Variants in DSCAML1 observed in about 807,000 individuals in gnomAD.
The protein encoded by DSCAML1 is cell adhesion molecule DSCAML1.
In DSCAML1, 38 loss-of-function variants were observed where a neutral mutation model predicts 200.5. The observed-to-expected ratio is 0.19, with a 90% CI of 0.15 to 0.25. DSCAML1 has a LOEUF of 0.25. Ranked by LOEUF, DSCAML1 falls within the 10% of genes least tolerant of loss-of-function variation. The pLI, the probability that DSCAML1 is intolerant of heterozygous loss-of-function variation, is 1.00. For synonymous variants in DSCAML1, 1,215 were observed against 1,165.0 expected, an observed-to-expected ratio of 1.04 and a Z score of -0.87; for missense variants, 2,223 against 2,858.8, an observed-to-expected ratio of 0.78 and a Z score of 5.07.
At chr11:117,797,811 C>T (rs2055612921), upstream of DSCAML1, among the ~76,000 whole-genome samples, 1 of 151,934 alleles carries the variant, frequency 6.6e-6, no homozygotes, top group South Asian at 2.1e-4. Context: ...ACTATTTAAA[C>T]GGTTATTCAC....
rs200181397 is a variant in DSCAML1 at position 117,542,353 on chromosome 11, CAAAAAA to C, written c.512-9837_512-9832del. ...ACAAAAACAACAACAACAACAACAA[CAAAAAA>C]AAAACAGTGCAGGCGATGTAGTGCT... On this transcript the variant is annotated intron_variant, in intron 3 of 32. Coordinates refer to ENST00000651296, the MANE Select transcript of DSCAML1 (RefSeq NM_020693.4). Among the ~76,000 whole-genome samples the C allele has an allele frequency of 1.1e-3, 171 of 150,782 alleles. 1 individual carries two copies. The highest frequency in any genetic ancestry group is 6.8e-3 in the Middle Eastern group (2 of 292).
chr11:117,667,001 G>A (rs957168297), intron 3 of DSCAML1, among the ~76,000 whole-genome samples: 2 of 152,220 alleles, frequency 1.3e-5, no homozygotes, highest in Non-Finnish European at 2.9e-5. Context: ...GCCTGGTCTG[G>A]GTGGTTGGTT....
chr11:117,509,632 C>T (rs927504199), intron 8 of DSCAML1, among the ~76,000 whole-genome samples: 14 of 152,140 alleles, frequency 9.2e-5, no homozygotes, highest in African/African-American at 2.9e-4. Context: ...CCAGCTCATT[C>T]GGTACTAGGA....
At chr11:117,718,671 C>T (rs79316138) in intron 3 of DSCAML1, among the ~76,000 whole-genome samples, 1 of 53,272 alleles carries the variant, frequency 1.9e-5, no homozygotes, top group Non-Finnish European at 4.3e-5. Context: ...ACTCAAAACC[C>T]CCCCCCCCCC....
intron 14 of DSCAML1, among the ~76,000 whole-genome samples, chr11:117,479,422 G>A (rs520289): frequency 0.56 from 84,876 of 152,076 alleles, 24,534 homozygotes; most frequent in East Asian, 0.69. Flanking sequence ...CAAAAGGTAC[G>A]AAGGATCCAG....
chr11:117,767,457 C>A (rs3851576), intron 3 of DSCAML1, among the ~76,000 whole-genome samples: 95,399 of 152,124 alleles, frequency 0.63, 33,125 homozygotes, highest in East Asian at 0.82. Flanking sequence ...GGGAGAGAAT[C>A]CCATTGCTGC....
chr11:117,722,174 G>A (rs1427667585), intron 3 of DSCAML1, among the ~76,000 whole-genome samples: 1 of 152,160 alleles, frequency 6.6e-6, no homozygotes, highest in African/African-American at 2.4e-5. Context: ...TCCTGGGAAG[G>A]ATCATGGCTC....
chr11:117,562,750 T>C (rs2050687584), intron 3 of DSCAML1, among the ~76,000 whole-genome samples: 1 of 152,214 alleles, frequency 6.6e-6, no homozygotes, highest in South Asian at 2.1e-4. Flanking sequence ...TTTCTTTTTC[T>C]GTTTTGAGAC....
At chr11:117,664,412 T>A (rs1045112506) in intron 3 of DSCAML1, among the ~76,000 whole-genome samples, 12 of 152,310 alleles carry the variant, frequency 7.9e-5, no homozygotes, top group Non-Finnish European at 1.3e-4. Context: ...TCAGATCTAC[T>A]TCCCAGGGCC....
chr11:117,526,826 C>T (rs2049986754), intron 4 of DSCAML1, among the ~76,000 whole-genome samples: 1 of 152,064 alleles, frequency 6.6e-6, no homozygotes. Flanking sequence ...CAGAACTTCC[C>T]CTTCTTTTAA....
intron 3 of DSCAML1, among the ~76,000 whole-genome samples, chr11:117,775,057 G>A (rs923399968): frequency 6.6e-6 from 1 of 152,136 alleles, no homozygotes; most frequent in Admixed American, 6.5e-5. Context: ...ATTTCTTTAT[G>A]TTCTTTAAAT....
At chr11:117,468,794 A>G (rs1006795739) in intron 16 of DSCAML1, among the ~76,000 whole-genome samples, 2 of 152,224 alleles carry the variant, frequency 1.3e-5, no homozygotes, top group African/African-American at 4.8e-5. Context: ...GTGCGTGCAC[A>G]TGGTCTTAGG....
At chr11:117,453,767 T>TA (rs1267822850) in intron 19 of DSCAML1, among the ~76,000 whole-genome samples, 2 of 146,682 alleles carry the variant, frequency 1.4e-5, no homozygotes, top group Admixed American at 1.4e-4. Flanking sequence ...TTTTTTGAGA[T>TA]AGAGTCTCGC....
chr11:117,736,143 G>A (rs2054311688), intron 3 of DSCAML1, among the ~76,000 whole-genome samples: 1 of 152,210 alleles, frequency 6.6e-6, no homozygotes, highest in Non-Finnish European at 1.5e-5. Context: ...CTGGAATCCT[G>A]AAGTGGCTGA....
chr11:117,522,642 C>T (rs2049904375), intron 5 of DSCAML1, among the ~76,000 whole-genome samples: 1 of 152,218 alleles, frequency 6.6e-6, no homozygotes, highest in African/African-American at 2.4e-5. Flanking sequence ...TTCCCAGAGC[C>T]TCTGCCTGCT....
intron 3 of DSCAML1, among the ~76,000 whole-genome samples, chr11:117,709,095 G>A (rs1259797762): frequency 6.6e-6 from 1 of 152,156 alleles, no homozygotes; most frequent in Non-Finnish European, 1.5e-5. Flanking sequence ...CCTAAATAAG[G>A]TGACTGACTC....
At chr11:117,482,309 T>C in intron 11 of DSCAML1, 147 bp from the exon 12 acceptor site, 1 of 891,420 alleles carries the variant, frequency 1.1e-6, no homozygotes, top group Non-Finnish European at 1.7e-6. Flanking sequence ...CACTGGCCTG[T>C]CCCTTCTCCC....
chr11:117,470,097 T>G, intron 15 of DSCAML1, 117 bp from the exon 16 acceptor site: 1 of 886,648 alleles, frequency 1.1e-6, no homozygotes, highest in South Asian at 3.2e-5. Flanking sequence ...AAGACTAAGC[T>G]CAGATGCAGA....
At chr11:117,649,447 G>A (rs376179811) in intron 3 of DSCAML1, among the ~76,000 whole-genome samples, 3 of 152,126 alleles carry the variant, frequency 2.0e-5, no homozygotes, top group African/African-American at 4.8e-5. Context: ...TAAGTTCCCC[G>A]TCTCCACTAG....
Sources: allele counts gnomAD v4.1 joint callset (sites outside exome capture counted in the v4.1 genomes callset), GRCh38; gene constraint gnomAD v4.1.1; transcripts MANE v1.5; gene names NCBI Gene and HGNC (gene_info 2026-07-23, HGNC 2026-07-21).